BDNF: variants seen among roughly 807,000 people sequenced by gnomAD.
BDNF encodes the protein neurotrophic factor BDNF precursor form.
Under a neutral mutation model 19.5 loss-of-function variants are expected in BDNF, and 1 was observed. That is an observed-to-expected ratio of 0.05 (90% CI 0.02 to 0.24). The LOEUF is 0.24. BDNF is among the 10% of genes least tolerant of loss of function. The pLI is 1.00. For synonymous variants in BDNF, 100 were observed against 121.6 expected (o/e 0.82, Z 1.17); for missense variants, 195 against 317.6 (o/e 0.61, Z 2.93).
At chr11:27,668,477 T>A (rs1435640955) in intron 1 of BDNF, among the ~76,000 whole-genome samples, 1 of 151,984 alleles carries the variant, frequency 6.6e-6, no homozygotes, top group Non-Finnish European at 1.5e-5. Flanking sequence ...CAGGAGCTGG[T>A]TTTTTAAAAA....
At chr11:27,708,974 A>T (rs746804486) in intron 1 of BDNF, among the ~76,000 whole-genome samples, 5 of 151,836 alleles carry the variant, frequency 3.3e-5, no homozygotes, top group Non-Finnish European at 5.9e-5. Context: ...GATTACAGGC[A>T]TGCGCCACCA....
chr11:27,718,351 A>ACCCCCCCCCCCC (rs774498386), intron 1 of BDNF, among the ~76,000 whole-genome samples: 1 of 87,468 alleles, frequency 1.1e-5, no homozygotes, highest in Non-Finnish European at 2.7e-5. Context: ...CGTTCCGCAC[A>ACCCCCCCCCCCC]CCACCCCCCC....
chr11:27,701,672 G>T, upstream of BDNF: 1 of 952,078 alleles, frequency 1.1e-6, no homozygotes, highest in Non-Finnish European at 1.3e-6. Flanking sequence ...CTTGACGTGC[G>T]CTGTCATATG....
At chr11:27,698,737 G>A (rs1346015757) in intron 1 of BDNF, among the ~76,000 whole-genome samples, 1 of 152,096 alleles carries the variant, frequency 6.6e-6, no homozygotes, top group African/African-American at 2.4e-5. Flanking sequence ...TTACTAGGAG[G>A]ATTAATAAAC....
intron 1 of BDNF, among the ~76,000 whole-genome samples, chr11:27,671,180 A>G (rs1855310926): frequency 6.6e-6 from 1 of 152,138 alleles, no homozygotes; most frequent in Non-Finnish European, 1.5e-5. Context: ...GGGGGGAGGG[A>G]TAGCATTAGG....
rs191472263 is a variant in BDNF at position 27,688,318 on chromosome 11, A to G, written c.-22+11846T>C. On this transcript the variant is annotated intron_variant, in intron 1 of 1. Transcript: ENST00000356660. ...CAGCTGTGCTGGCAGTGAGAATTTC[A>G]AACCAGCAGATCTTACCTTGCCGTG... is the stretch of plus-strand genomic sequence containing the variant. Among the ~76,000 whole-genome samples the G allele has an allele frequency of 1.0e-3, 159 of 152,304 alleles. 4 individuals carry two copies. In the East Asian group the frequency reaches 0.028, roughly 27 times the overall value.
chr11:27,695,934 G>A (rs770684063), intron 1 of BDNF, among the ~76,000 whole-genome samples: 2 of 151,894 alleles, frequency 1.3e-5, no homozygotes, highest in Admixed American at 1.3e-4. Context: ...TATCTGACCA[G>A]ATACTCAAAT....
chr11:27,680,314 G>A (rs984961498), intron 1 of BDNF, among the ~76,000 whole-genome samples: 1 of 152,182 alleles, frequency 6.6e-6, no homozygotes, highest in Non-Finnish European at 1.5e-5. Context: ...AAAGGAGAAA[G>A]GCCTTTGGCC....
chr11:27,682,141 T>A (rs910026923), intron 1 of BDNF, among the ~76,000 whole-genome samples: 1 of 152,134 alleles, frequency 6.6e-6, no homozygotes, highest in African/African-American at 2.4e-5. Context: ...AAATAAACGA[T>A]AAGTCTCTCT....
intron 1 of BDNF, among the ~76,000 whole-genome samples, chr11:27,685,819 T>G (rs1441399546): frequency 8.1e-5 from 4 of 49,462 alleles, no homozygotes; most frequent in African/African-American, 3.0e-4. Flanking sequence ...TTACTTCCAA[T>G]TATGTGGTCA....
chr11:27,713,513 T>C (rs1270242497), intron 1 of BDNF, among the ~76,000 whole-genome samples: 1 of 152,200 alleles, frequency 6.6e-6, no homozygotes, highest in Non-Finnish European at 1.5e-5. Context: ...GTGTATTTTT[T>C]CCCCACAGTA....
At chr11:27,703,425 G>GTAAT (rs539967879), upstream of BDNF, among the ~76,000 whole-genome samples, 559 of 152,258 alleles carry the variant, frequency 3.7e-3, 6 homozygotes, top group Middle Eastern at 6.8e-3. Context: ...AAGCTCAATT[G>GTAAT]TAATTTATTT....
intron 1 of BDNF, chr11:27,721,323 G>T: frequency 1.4e-6 from 2 of 1,454,576 alleles, no homozygotes; most frequent in Non-Finnish European, 1.9e-6. Flanking sequence ...TCTTTGGCGT[G>T]TGAAGTGCTA....
intron 1 of BDNF, among the ~76,000 whole-genome samples, chr11:27,710,070 C>T (rs901966198): frequency 5.3e-5 from 8 of 152,160 alleles, no homozygotes; most frequent in Non-Finnish European, 1.0e-4. Context: ...ATCAAAATGT[C>T]CTTCAAGATT....
rs756542824 is a variant in BDNF, at chr11:27,657,789, CAATAT to C, written c.*27_*31del. ...ATATACAAATAGATAATTTTTGTCT[CAATAT>C]AATCTAATCTATACAACATAAATCC... On this transcript the variant is annotated 3_prime_UTR_variant, in exon 2 of 2. Coordinates refer to ENST00000356660, the MANE Select transcript of BDNF (RefSeq NM_001709.5). This position sits in a 1 kb window ranked among gnomAD's most constrained non-coding sequence, Gnocchi z 5.0. 6.2e-7 allele frequency: 1 copy of C among 1,608,906 alleles called. No individual in the cohort carries two copies. The highest frequency in any genetic ancestry group is 1.7e-5 in the Admixed American group (1 of 59,976).
Position 27,658,701 on chromosome 11 carries a change from T to A in BDNF, c.-21-116A>T, listed in dbSNP as rs1564941520. 1 of 1,586,672 alleles carries A rather than the reference T, an allele frequency of 6.3e-7. No individual in the cohort carries two copies. Among genetic ancestry groups the A allele is most frequent in the Non-Finnish European group, 8.6e-7 (1 of 1,166,684 alleles). On this transcript the variant is annotated intron_variant, in intron 1 of 1. Transcript: ENST00000356660. This position sits in a 1 kb window ranked among gnomAD's most constrained non-coding sequence, Gnocchi z 5.7. ...CCATTCTGCAGGGTCAAGGTTTTTT[T>A]ATGTCTTGGTGATAAACTCCAGCTG...
chr11:27,715,645 G>A (rs913655761), intron 1 of BDNF, among the ~76,000 whole-genome samples: 8 of 152,172 alleles, frequency 5.3e-5, no homozygotes, highest in African/African-American at 7.2e-5. Context: ...AATGCCTACA[G>A]CTCCCTCTGA....
In BDNF at chr11:27,721,569, A is replaced by G. The variant is rs1040813617; in HGVS notation, c.-155T>C. 1.5e-4 allele frequency: 123 copies of G among 802,454 alleles called. 1 individual carries two copies. The highest frequency in any genetic ancestry group is 2.3e-4 in the Non-Finnish European group (106 of 461,880). The allele number at this position is 802,454 out of a possible 1,614,324, so 49.7% of individuals were successfully genotyped here. A position where few individuals can be genotyped will look rare whatever the true frequency, so the allele number is the denominator to read the frequency against. On this transcript the variant is annotated 5_prime_UTR_variant, in exon 1 of 2. Transcript: ENST00000314915. ...CTTGGTGTGACTTATGAATCTAATA[A>G]CCCTTTGCAATATCCGCAAGCTTAA...
intron 1 of BDNF, among the ~76,000 whole-genome samples, chr11:27,663,112 T>C (rs1168673422): frequency 1.3e-5 from 2 of 152,222 alleles, no homozygotes; most frequent in Admixed American, 1.3e-4. Context: ...AAGCTTTCAA[T>C]GAGTAATTTT....
Sources: gnomAD v4.1 joint callset for allele counts (sites outside exome capture counted in the v4.1 genomes callset) on GRCh38, gnomAD v4.1.1 for gene constraint, Gnocchi (gnomAD v3.1) non-coding constraint, MANE v1.5 for transcripts, NCBI Gene and HGNC (gene_info 2026-07-23, HGNC 2026-07-21) for gene names.